Variants in NRXN3 observed in about 807,000 individuals in gnomAD.
NRXN3 encodes neurexin 3.
NRXN3 carries 32 observed loss-of-function variants against 137.6 expected under a neutral mutation model. The observed-to-expected ratio is 0.23, with a 90% CI of 0.18 to 0.31. The LOEUF is 0.31. Ranked by LOEUF, NRXN3 falls within the 10% of genes least tolerant of loss-of-function variation. NRXN3 has a pLI of 1.00. For synonymous variants in NRXN3, 798 were observed against 784.5 expected, an observed-to-expected ratio of 1.02 and a Z score of -0.29; for missense variants, 1,574 against 2,062.5, an observed-to-expected ratio of 0.76 and a Z score of 4.59.
At chr14:79,029,748 G>T (rs1450320341) in intron 15 of NRXN3, among the ~76,000 whole-genome samples, 1 of 146,012 alleles carries the variant, frequency 6.8e-6, no homozygotes, top group African/African-American at 2.6e-5. Flanking sequence ...CCTTGTAGAG[G>T]CCCAAAAATG....
intron 16 of NRXN3, among the ~76,000 whole-genome samples, chr14:79,607,624 C>A (rs972470937): frequency 1.8e-4 from 28 of 151,528 alleles, no homozygotes; most frequent in African/African-American, 6.8e-4. Flanking sequence ...ATTTTCAGGA[C>A]CAAAGAGAAA....
chr14:79,627,606 C>T (rs221487), intron 16 of NRXN3, among the ~76,000 whole-genome samples: 40,150 of 152,042 alleles, frequency 0.26, 5,998 homozygotes, highest in African/African-American at 0.4. Flanking sequence ...TCATTCTTCT[C>T]GGTATCAGTT....
chr14:79,803,887 A>C (rs1306109639), intron 19 of NRXN3, among the ~76,000 whole-genome samples: 1 of 147,978 alleles, frequency 6.8e-6, no homozygotes, highest in Non-Finnish European at 1.5e-5. Context: ...ACTGTAACTA[A>C]AAAGTGTGTG....
chr14:79,052,884 G>T (rs1009711939), intron 15 of NRXN3, among the ~76,000 whole-genome samples: 2 of 152,162 alleles, frequency 1.3e-5, no homozygotes, highest in Non-Finnish European at 2.9e-5. Flanking sequence ...TGGTGTGCAT[G>T]ATTGTGCTTA....
At chr14:78,954,591 A>G (rs1466100306) in intron 10 of NRXN3, among the ~76,000 whole-genome samples, 1 of 151,884 alleles carries the variant, frequency 6.6e-6, no homozygotes, top group Admixed American at 6.6e-5. Context: ...CAGTCTCCCG[A>G]GTAGCTGGGA....
At chr14:78,185,182 G>A (rs2060132186) in intron 1 of NRXN3, among the ~76,000 whole-genome samples, 1 of 152,174 alleles carries the variant, frequency 6.6e-6, no homozygotes, top group Non-Finnish European at 1.5e-5. Context: ...CTTTAGTGGA[G>A]GATGATATGA....
At chr14:78,181,667 C>T (rs1208940819) in intron 1 of NRXN3, among the ~76,000 whole-genome samples, 3 of 152,158 alleles carry the variant, frequency 2.0e-5, no homozygotes, top group East Asian at 1.9e-4. Flanking sequence ...AGTAAATCTC[C>T]GCACAACTTG....
At chr14:78,970,107 T>A (rs955553424) in intron 14 of NRXN3, among the ~76,000 whole-genome samples, 1 of 152,180 alleles carries the variant, frequency 6.6e-6, no homozygotes, top group Non-Finnish European at 1.5e-5. Flanking sequence ...AATCACAATA[T>A]AAGAGCACAT....
chr14:78,399,881 G>A (rs1239510734), intron 4 of NRXN3, among the ~76,000 whole-genome samples: 1 of 152,198 alleles, frequency 6.6e-6, no homozygotes, highest in Non-Finnish European at 1.5e-5. Context: ...ATGCAAGGCA[G>A]CAGAGAGGCC....
At chr14:78,491,516 C>A (rs2095667925) in intron 4 of NRXN3, among the ~76,000 whole-genome samples, 2 of 152,282 alleles carry the variant, frequency 1.3e-5, no homozygotes, top group African/African-American at 2.4e-5. Context: ...ATTGTAGAGA[C>A]AGAAATTCCA....
intron 15 of NRXN3, among the ~76,000 whole-genome samples, chr14:79,160,176 G>T (rs1040550379): frequency 6.6e-6 from 1 of 151,884 alleles, no homozygotes; most frequent in Non-Finnish European, 1.5e-5. Context: ...TGAAAGTTAG[G>T]TTGTAGCAGG....
At chr14:78,520,710 C>A (rs916208170) in intron 4 of NRXN3, among the ~76,000 whole-genome samples, 9 of 152,102 alleles carry the variant, frequency 5.9e-5, no homozygotes, top group African/African-American at 2.2e-4. Context: ...TGCTAAGACT[C>A]AAATATTCTC....
intron 4 of NRXN3, among the ~76,000 whole-genome samples, chr14:78,564,480 T>A (rs898238444): frequency 6.6e-6 from 1 of 152,070 alleles, no homozygotes; most frequent in Non-Finnish European, 1.5e-5. Context: ...GAAGCCAGAA[T>A]CTCTGTTTGT....
At chr14:78,846,278 T>G (rs1478353970) in intron 10 of NRXN3, among the ~76,000 whole-genome samples, 1 of 152,050 alleles carries the variant, frequency 6.6e-6, no homozygotes, top group Non-Finnish European at 1.5e-5. Context: ...CCCACAGTAA[T>G]TGAGAATGAC....
chr14:78,574,835 TAA>T (rs1325180487), intron 4 of NRXN3, among the ~76,000 whole-genome samples: 1 of 152,190 alleles, frequency 6.6e-6, no homozygotes, highest in Non-Finnish European at 1.5e-5. Context: ...GGATTAAGCA[TAA>T]AATAATGGCA....
chr14:79,200,351 A>G (rs1308999164), intron 15 of NRXN3, among the ~76,000 whole-genome samples: 1 of 152,208 alleles, frequency 6.6e-6, no homozygotes, highest in South Asian at 2.1e-4. Flanking sequence ...AGGATTTGGC[A>G]TATCCATGAT....
In NRXN3 at chr14:78,178,688, G is replaced by A. The variant is rs78547213; in HGVS notation, c.-704+8014G>A. 9.2e-3 allele frequency among the ~76,000 whole-genome samples: 1,404 copies of A among 152,228 alleles called. 28 individuals are homozygous for A. Among genetic ancestry groups the A allele is most frequent in the African/African-American group, 0.032 (1,327 of 41,538 alleles). Reference sequence around the variant, plus strand: ...TGCTTTGAGCAGGGCATCATGCTCTGCTATTTTTCACTTAGGTGGGTAGTG... The same window carrying A: ...TGCTTTGAGCAGGGCATCATGCTCTACTATTTTTCACTTAGGTGGGTAGTG... On this transcript the variant is annotated intron_variant, in intron 1 of 20. Coordinates refer to ENST00000335750, the MANE Select transcript of NRXN3 (RefSeq NM_001330195.2).
At chr14:79,769,648 G>A (rs4414419) in intron 19 of NRXN3, among the ~76,000 whole-genome samples, 50,179 of 151,858 alleles carry the variant, frequency 0.33, 8,757 homozygotes, top group Middle Eastern at 0.43. Flanking sequence ...AGGAACAACC[G>A]ATACCAGCCG....
intron 19 of NRXN3, among the ~76,000 whole-genome samples, chr14:79,768,630 C>G (rs1205526337): frequency 3.3e-5 from 5 of 152,164 alleles, no homozygotes; most frequent in African/African-American, 1.2e-4. Flanking sequence ...TGTACATCAC[C>G]ATCATCAAAG....
Sources: gnomAD v4.1 joint callset for allele counts (sites outside exome capture counted in the v4.1 genomes callset) on GRCh38, gnomAD v4.1.1 for gene constraint, MANE v1.5 for transcripts, NCBI Gene and HGNC (gene_info 2026-07-23, HGNC 2026-07-21) for gene names.